MYZAP: variants seen among roughly 807,000 people sequenced by gnomAD.
MYZAP encodes the protein GRINL1A complex locus upstream.
Under a neutral mutation model 69.4 loss-of-function variants are expected in MYZAP, and 66 were observed. That is an observed-to-expected ratio of 0.95 (90% CI 0.78 to 1.17). The LOEUF (loss-of-function observed/expected upper bound fraction) is 1.17, where lower values mean the gene tolerates loss of function less well. Among genes scored for constraint, MYZAP ranks in the 50% most tolerant of loss-of-function variants. The pLI is 0.00. For missense variants in MYZAP, 611 were observed against 556.2 expected, an observed-to-expected ratio of 1.10 and a Z score of -0.99; for synonymous variants, 256 against 205.9, an observed-to-expected ratio of 1.24 and a Z score of -2.09.
At chr15:57,661,636 C>A in intron 11 of MYZAP, 103 bp downstream of exon 11, 2 of 1,054,118 alleles carry the variant, frequency 1.9e-6, no homozygotes, top group Non-Finnish European at 2.7e-6. Flanking sequence ...TATTTCCCGG[C>A]CTTATAAAAT....
intron 11 of MYZAP, among the ~76,000 whole-genome samples, chr15:57,664,090 T>A (rs1430295019): frequency 6.6e-6 from 1 of 151,212 alleles, no homozygotes; most frequent in African/African-American, 2.4e-5. Flanking sequence ...TTTTTAAACC[T>A]TCCTGAGGCC....
At chr15:57,628,688 CTA>C (rs1377263750) in intron 5 of MYZAP, among the ~76,000 whole-genome samples, 1 of 152,178 alleles carries the variant, frequency 6.6e-6, no homozygotes, top group African/African-American at 2.4e-5. Context: ...CCTTCTCTGC[CTA>C]AGGGAGGAAG....
chr15:57,617,179 G>A (rs77169750), intron 2 of MYZAP, among the ~76,000 whole-genome samples: 2 of 152,058 alleles, frequency 1.3e-5, no homozygotes, highest in Non-Finnish European at 2.9e-5. Flanking sequence ...GTTGCCTAAC[G>A]TCTCTGAACT....
chr15:57,643,416 A>G (rs1287667687), intron 10 of MYZAP, among the ~76,000 whole-genome samples: 2 of 152,204 alleles, frequency 1.3e-5, no homozygotes, highest in African/African-American at 2.4e-5. Context: ...ATCAAGCTGC[A>G]TTCTTTAGAT....
At chr15:57,676,993 C>T (rs1173184039) in intron 12 of MYZAP, among the ~76,000 whole-genome samples, 1 of 152,202 alleles carries the variant, frequency 6.6e-6, no homozygotes, top group African/African-American at 2.4e-5. Flanking sequence ...ATCCGTGTTT[C>T]CGAAAAGGCA....
chr15:57,607,038 G>A (rs186467163), intron 2 of MYZAP, among the ~76,000 whole-genome samples: 340 of 152,268 alleles, frequency 2.2e-3, no homozygotes, highest in African/African-American at 8.0e-3. Context: ...TCCTCTCCCT[G>A]CCTGTCCCTT....
intron 11 of MYZAP, among the ~76,000 whole-genome samples, chr15:57,668,894 A>ATATATATAT (rs1252525814): frequency 3.4e-4 from 21 of 62,602 alleles, no homozygotes; most frequent in African/African-American, 7.9e-4. Context: ...ATATATATAT[A>ATATATATAT]TTTTTTTTTT....
chr15:57,649,144 A>T (rs532133976), intron 10 of MYZAP, among the ~76,000 whole-genome samples: 1 of 152,170 alleles, frequency 6.6e-6, no homozygotes, highest in African/African-American at 2.4e-5. Context: ...TAACTTATTT[A>T]TCCTATTGAT....
At chr15:57,663,442 A>G (rs2038410627) in intron 11 of MYZAP, among the ~76,000 whole-genome samples, 1 of 152,214 alleles carries the variant, frequency 6.6e-6, no homozygotes, top group Non-Finnish European at 1.5e-5. Context: ...GGAATGGGGA[A>G]AATGAGACAG....
intron 10 of MYZAP, among the ~76,000 whole-genome samples, chr15:57,653,494 CTT>C (rs1248018017): frequency 5.3e-5 from 8 of 151,988 alleles, no homozygotes; most frequent in South Asian, 4.1e-4. Flanking sequence ...ATAAAATAAA[CTT>C]AATGTGGATT....
intron 1 of MYZAP, among the ~76,000 whole-genome samples, chr15:57,595,651 G>A (rs550092315): frequency 2.0e-5 from 3 of 152,192 alleles, no homozygotes; most frequent in Middle Eastern, 6.8e-3. Flanking sequence ...TTCTGATCCT[G>A]GGCTGTGGAA....
intron 10 of MYZAP, among the ~76,000 whole-genome samples, chr15:57,651,122 G>A (rs1321176910): frequency 1.3e-5 from 2 of 152,208 alleles, no homozygotes; most frequent in Non-Finnish European, 2.9e-5. Flanking sequence ...AAGGCTCCAA[G>A]GAGAGCCCTG....
At chr15:57,663,197 A>G (rs1474999669) in intron 11 of MYZAP, among the ~76,000 whole-genome samples, 3 of 151,872 alleles carry the variant, frequency 2.0e-5, no homozygotes, top group African/African-American at 4.8e-5. Flanking sequence ...AGGTCCCCCA[A>G]GACAGTGCCC....
intron 4 of MYZAP, among the ~76,000 whole-genome samples, chr15:57,622,320 A>G (rs535847750): frequency 3.3e-5 from 5 of 152,196 alleles, no homozygotes; most frequent in Non-Finnish European, 7.3e-5. Context: ...CTTAGAAAGG[A>G]AGATTCAGCA....
intron 11 of MYZAP, 112 bp downstream of exon 11, chr15:57,661,645 A>T: frequency 1.0e-6 from 1 of 965,370 alleles, no homozygotes; most frequent in Middle Eastern, 2.6e-4. Flanking sequence ...GCCTTATAAA[A>T]TTGATTGAGG....
chr15:57,671,162 A>C (rs1243326414), intron 11 of MYZAP, among the ~76,000 whole-genome samples: 5 of 152,084 alleles, frequency 3.3e-5, no homozygotes, highest in Non-Finnish European at 7.4e-5. Flanking sequence ...ATCTGAAAGT[A>C]AGGTTTTTAT....
chr15:57,611,426 C>T (rs1441201428), intron 2 of MYZAP, among the ~76,000 whole-genome samples: 1 of 152,138 alleles, frequency 6.6e-6, no homozygotes, highest in African/African-American at 2.4e-5. Context: ...AAAAGCAGTT[C>T]CTGATTTTTT....
intron 2 of MYZAP, among the ~76,000 whole-genome samples, chr15:57,614,134 TAAG>T (rs2035285203): frequency 6.6e-6 from 1 of 152,240 alleles, no homozygotes; most frequent in African/African-American, 2.4e-5. Context: ...TTCCTCCATC[TAAG>T]AAGAATAACA....
chr15:57,606,919 C>T (rs2140343285), intron 2 of MYZAP, among the ~76,000 whole-genome samples: 1 of 152,298 alleles, frequency 6.6e-6, no homozygotes, highest in Non-Finnish European at 1.5e-5. Flanking sequence ...AGTAAAAGTC[C>T]TAAGCAGAGA....
Sources: gnomAD v4.1 joint callset for allele counts (sites outside exome capture counted in the v4.1 genomes callset) on GRCh38, gnomAD v4.1.1 for gene constraint, MANE v1.5 for transcripts, NCBI Gene and HGNC (gene_info 2026-07-23, HGNC 2026-07-21) for gene names.